Variants in CBY2 observed in about 807,000 individuals in gnomAD.
The protein encoded by CBY2 is chibby family member 2, also known as protein chibby homolog 2.
CBY2 carries 23 observed loss-of-function variants against 25.3 expected under a neutral mutation model. The ratio of observed to expected loss-of-function variants is 0.91; its 90% CI spans 0.65 to 1.29. CBY2 has a LOEUF of 1.29. CBY2 is among the 50% of genes most tolerant of loss of function. The pLI is 0.00. For synonymous variants in CBY2, 279 were observed against 260.2 expected, an observed-to-expected ratio of 1.07 and a Z score of -0.70; for missense variants, 642 against 590.7, an observed-to-expected ratio of 1.09 and a Z score of -0.90.
rs1950282397 is a variant in CBY2 at position 45,713,262 on chromosome 13, G to C, written c.237G>C (p.Arg79=). ...PRCAQQAALP[R]LSRRMASQHS... ...GCGCGCAGCAGGCCGCCCTGCCCCG[G>C]CTGAGCCGCAGGATGGCGAGCCAGC... Residue 79 remains arginine (R), a synonymous_variant, in exon 3 of 3, where the codon CGG becomes CGC. Coordinates refer to ENST00000310521, the MANE Select transcript of CBY2 (RefSeq NM_152719.3). This position sits in a 1 kb window ranked among gnomAD's most constrained non-coding sequence, Gnocchi z 5.0. 1.9e-6 allele frequency: 3 copies of C among 1,613,824 alleles called. No homozygotes were observed. The East Asian group carries it at 6.7e-5, about 36-fold the overall frequency.
In CBY2 at chr13:45,713,068, C is replaced by T; in HGVS notation, c.157-114C>T. On this transcript the variant is annotated intron_variant, in intron 2 of 2. Transcript: ENST00000310521. The surrounding 1 kb of genome is among the most constrained non-coding windows in gnomAD (Gnocchi z 5.0). ...CAAGAAGCAAAAGCGCCCACTGTGG[C>T]CAGGCCAGACAATCAGACGGGGCTT... 1 of 857,348 alleles carries T rather than the reference C, an allele frequency of 1.2e-6. No individual in the cohort carries two copies. Among genetic ancestry groups the T allele is most frequent in the Non-Finnish European group, 1.8e-6 (1 of 568,706 alleles). The allele number at this position is 857,348 out of a possible 1,614,324, so 53.1% of individuals were successfully genotyped here.
intron 2 of CBY2, 28 bp downstream of exon 2, chr13:45,702,883 C>A (rs1194837530): frequency 6.4e-7 from 1 of 1,551,786 alleles, no homozygotes; most frequent in South Asian, 1.1e-5. Flanking sequence ...AGGATGTAAC[C>A]TATCAGTGTT....
intron 2 of CBY2, among the ~76,000 whole-genome samples, chr13:45,710,480 A>G (rs1950263823): frequency 6.6e-6 from 1 of 152,140 alleles, no homozygotes; most frequent in South Asian, 2.1e-4. Context: ...CCGAAATCGT[A>G]CCACTGCACT....
In CBY2 at chr13:45,714,219, G is replaced by C. The variant is rs752543285; in HGVS notation, c.1194G>C (p.Lys398Asn). The C allele has an allele frequency of 1.9e-6, 3 of 1,612,840 alleles. No individual in the cohort carries two copies. The highest frequency in any genetic ancestry group is 2.5e-6 in the Non-Finnish European group (3 of 1,179,864). ...AEHRGFQEEN[K>N]ALWENNKLKL... ...ACAGGGGCTTCCAGGAGGAGAACAA[G>C]GCCCTGTGGGAGAACAACAAGCTGA... is the stretch of plus-strand genomic sequence containing the variant. Residue 398 changes from lysine (K) to asparagine (N), a missense_variant, in exon 3 of 3, where the codon AAG becomes AAC. Physicochemically the swap from Lys to Asn is moderately conservative, Grantham distance 94. Coordinates refer to ENST00000310521, the MANE Select transcript of CBY2 (RefSeq NM_152719.3).
chr13:45,702,951 G>A (rs868195114), intron 2 of CBY2, 96 bp downstream of exon 2: 4 of 1,231,956 alleles, frequency 3.2e-6, no homozygotes, highest in Middle Eastern at 3.9e-4. Context: ...TGTAGAATAA[G>A]CAGAGATAGT....
At position 45,703,707 on chromosome 13, in the gene CBY2, T is replaced by C. The variant is rs1187711897; in HGVS notation, c.156+852T>C. On this transcript the variant is annotated intron_variant, in intron 2 of 2. Coordinates refer to ENST00000310521, the MANE Select transcript of CBY2 (RefSeq NM_152719.3). The stretch of plus-strand genomic sequence containing the variant: ...AAGTATGTTCAGCGGGAGGCAAAAA[T>C]ATGGAAGAAGAAAACATCCTGGATG... 1.4e-5 allele frequency: 11 copies of C among 804,294 alleles called. No individual in the cohort carries two copies. In the South Asian group the frequency reaches 1.9e-4, roughly 14 times the overall value. The allele number at this position is 804,294 out of a possible 1,614,324, so 49.8% of individuals were successfully genotyped here. A position where few individuals can be genotyped will look rare whatever the true frequency, so the allele number is the denominator to read the frequency against.
rs1175936868 is a variant in CBY2, at chr13:45,704,642, G to A, written c.156+1787G>A. On this transcript the variant is annotated intron_variant, in intron 2 of 2. Coordinates refer to ENST00000310521, the MANE Select transcript of CBY2 (RefSeq NM_152719.3). The surrounding 1 kb of genome is among the most constrained non-coding windows in gnomAD (Gnocchi z 4.1). Reference sequence around the variant, plus strand: ...GGGTTGATCTGGGAAGCAAGGAGAGGAAGAAATATTGACTGAATGTTGGTG... The same window carrying A: ...GGGTTGATCTGGGAAGCAAGGAGAGAAAGAAATATTGACTGAATGTTGGTG... Among the ~76,000 whole-genome samples, 1 of 152,170 alleles carries A rather than the reference G, an allele frequency of 6.6e-6. No homozygotes were observed. The highest frequency in any genetic ancestry group is 2.4e-5 in the African/African-American group (1 of 41,442).
At chr13:45,702,586 G>A (rs1344255701) in intron 1 of CBY2, 121 bp downstream of exon 1, 1 of 966,478 alleles carries the variant, frequency 1.0e-6, no homozygotes, top group South Asian at 1.4e-5. Context: ...CTTAATATCT[G>A]TTCAGAGATT....
At chr13:45,703,232 A>T in intron 2 of CBY2, 2 of 1,272,636 alleles carry the variant, frequency 1.6e-6, no homozygotes, top group Non-Finnish European at 2.0e-6. Context: ...AATCAAATGC[A>T]TAAGAATGAA....
At position 45,713,365 on chromosome 13, in the gene CBY2, C is replaced by G; in HGVS notation, c.340C>G (p.Leu114Val). The G allele has an allele frequency of 6.2e-7, 1 of 1,614,218 alleles. No homozygotes were observed. The highest frequency in any genetic ancestry group is 1.1e-5 in the South Asian group (1 of 91,090). ...CCCCATGTCCCAGGCCGACCTGGAG[C>G]TGGACTACAACCCGCCGCGGGTGCA... Reference protein sequence around the residue: ...ERPMSQADLELDYNPPRVQLS... With the variant: ...ERPMSQADLEVDYNPPRVQLS... The change falls in exon 3 of 3, where the codon CTG (leucine) becomes GTG (valine). Residue 114 changes from leucine (L) to valine (V), a missense_variant. Transcript: ENST00000310521. This position sits in a 1 kb window ranked among gnomAD's most constrained non-coding sequence, Gnocchi z 5.0.
chr13:45,703,600 C>A, intron 2 of CBY2: 1 of 1,547,262 alleles, frequency 6.5e-7, no homozygotes, highest in African/African-American at 1.4e-5. Flanking sequence ...AGGTAACTAT[C>A]TGAGAGCTCT....
Position 45,713,411 on chromosome 13 carries a change from T to C in CBY2, c.386T>C (p.Val129Ala). ...GTGCAGCTCAGCGACGAGATGTTCG[T>C]GTTCCAGGACGGGCGCTGGGTAAAT... ...PRVQLSDEMF[V>A]FQDGRWVNEN... Residue 129 changes from valine (V) to alanine (A), a missense_variant, in exon 3 of 3, where the codon GTG (valine) becomes GCG (alanine). Physicochemically the swap from Val to Ala is moderately conservative, Grantham distance 64. Coordinates refer to ENST00000310521, the MANE Select transcript of CBY2 (RefSeq NM_152719.3). The surrounding 1 kb of genome is among the most constrained non-coding windows in gnomAD (Gnocchi z 5.0). 1 of 1,614,192 alleles carries C rather than the reference T, an allele frequency of 6.2e-7. No homozygotes were observed. The highest frequency in any genetic ancestry group is 8.5e-7 in the Non-Finnish European group (1 of 1,180,034).
intron 2 of CBY2, among the ~76,000 whole-genome samples, chr13:45,707,062 C>T (rs568736808): frequency 6.6e-6 from 1 of 152,294 alleles, no homozygotes; most frequent in Non-Finnish European, 1.5e-5. Context: ...GTAGGCAGAG[C>T]AGCCATGTTT....
chr13:45,713,785 A>C lies in CBY2; in HGVS notation c.760A>C (p.Asn254His). The change falls in exon 3 of 3, where the codon AAT (asparagine) becomes CAT (histidine). Residue 254 changes from asparagine to histidine, a missense_variant. Transcript: ENST00000310521. This position sits in a 1 kb window ranked among gnomAD's most constrained non-coding sequence, Gnocchi z 5.0. ...CACCCTGCAGCTCCTCCGGGAGGAGAATCGCGCGCTGCAGCAGCTGCTGGA... is the reference window on the plus strand; with the variant it reads ...CACCCTGCAGCTCCTCCGGGAGGAGCATCGCGCGCTGCAGCAGCTGCTGGA... ...DSTLQLLREE[N>H]RALQQLLEQK... The C allele has an allele frequency of 1.9e-6, 3 of 1,589,406 alleles. No individual in the cohort carries two copies. The highest frequency in any genetic ancestry group is 1.7e-6 in the Non-Finnish European group (2 of 1,168,046).
chr13:45,714,412 G>A lies in CBY2; in HGVS notation c.*40G>A, dbSNP rs764480549. 160 of 1,485,606 alleles carry A rather than the reference G, an allele frequency of 1.1e-4. No individual in the cohort carries two copies. Among genetic ancestry groups the A allele is most frequent in the Non-Finnish European group, 1.4e-4 (150 of 1,102,984 alleles). 92.0% of individuals were successfully genotyped at this position (1,485,606 alleles called of 1,614,324 possible). On this transcript the variant is annotated 3_prime_UTR_variant, in exon 3 of 3. Coordinates refer to ENST00000310521, the MANE Select transcript of CBY2 (RefSeq NM_152719.3). Reference sequence around the variant, plus strand: ...ACCGGGACGCCGAGTTTGGGACACCGAACACTGGGCAAAAGAGAATCCCCT... The same window carrying A: ...ACCGGGACGCCGAGTTTGGGACACCAAACACTGGGCAAAAGAGAATCCCCT...
Position 45,713,551 on chromosome 13 carries a change from C to A in CBY2, c.526C>A (p.Arg176=), listed in dbSNP as rs1364632980. 2.5e-6 allele frequency: 4 copies of A among 1,614,098 alleles called. No individual in the cohort carries two copies. The South Asian group carries it at 3.3e-5, about 13-fold the overall frequency. The change falls in exon 3 of 3, where the codon CGG becomes AGG. Residue 176 remains arginine (R), a synonymous_variant. Transcript: ENST00000310521. The surrounding 1 kb of genome is among the most constrained non-coding windows in gnomAD (Gnocchi z 5.0). ...CMLQEENKSL[R]EENKALREEN... ...GCTGCAGGAGGAGAACAAGTCTCTG[C>A]GGGAGGAGAACAAGGCCCTGCGCGA...
chr13:45,707,234 A>C (rs1950244784), intron 2 of CBY2, among the ~76,000 whole-genome samples: 1 of 152,160 alleles, frequency 6.6e-6, no homozygotes, highest in African/African-American at 2.4e-5. Context: ...GCTTGTGTGC[A>C]GGGGGTGGTG....
chr13:45,703,616 GGGATGTGTAGGA>G, intron 2 of CBY2: 4 of 1,538,372 alleles, frequency 2.6e-6, no homozygotes, highest in Non-Finnish European at 3.5e-6. Context: ...GCTCTGTCCA[GGGATGTGTAGGA>G]GGAGGATTGA....
intron 2 of CBY2, chr13:45,703,059 T>C: frequency 1.5e-6 from 2 of 1,305,758 alleles, no homozygotes. Flanking sequence ...TTCCCATGAA[T>C]GAGGTGGCTG....
Sources: gnomAD v4.1 joint callset for allele counts (sites outside exome capture counted in the v4.1 genomes callset) on GRCh38, gnomAD v4.1.1 for gene constraint, Gnocchi (gnomAD v3.1) non-coding constraint, MANE v1.5 for transcripts, NCBI Gene and HGNC (gene_info 2026-07-23, HGNC 2026-07-21) for gene names.